The following ANKFN1 variants were observed in gnomAD, a reference collection of about 807,000 sequenced individuals.
The protein encoded by ANKFN1 is ankyrin repeat and fibronectin type-III domain-containing protein 1.
A neutral mutation model predicts 108.7 loss-of-function variants in ANKFN1; 74 were observed. That is an observed-to-expected ratio of 0.68 (90% CI 0.56 to 0.83). The LOEUF is 0.83. Among genes scored for constraint, ANKFN1 ranks in the 40% least tolerant of loss-of-function variants. The pLI, the probability that ANKFN1 is intolerant of heterozygous loss-of-function variation, is 0.00. For synonymous variants in ANKFN1, 547 were observed against 516.2 expected (o/e 1.06, Z -0.81); for missense variants, 1,505 against 1,382.3 (o/e 1.09, Z -1.41).
At chr17:56,340,020 C>T (rs1265104428) in intron 4 of ANKFN1, among the ~76,000 whole-genome samples, 1 of 152,114 alleles carries the variant, frequency 6.6e-6, no homozygotes. Flanking sequence ...GATGGTATCT[C>T]ATTGTGGTTT....
At chr17:56,248,357 T>C (rs574341682) in intron 3 of ANKFN1, among the ~76,000 whole-genome samples, 9 of 152,294 alleles carry the variant, frequency 5.9e-5, no homozygotes, top group African/African-American at 1.9e-4. Flanking sequence ...CTACCAAATA[T>C]TGCTGTTGTC....
intron 15 of ANKFN1, among the ~76,000 whole-genome samples, chr17:56,475,789 C>A (rs758855576): frequency 6.6e-6 from 1 of 152,112 alleles, no homozygotes; most frequent in South Asian, 2.1e-4. Context: ...AGTTGTTTAA[C>A]CCTTGTTTTT....
chr17:56,446,835 G>A (rs547092159), intron 10 of ANKFN1, among the ~76,000 whole-genome samples: 4 of 152,176 alleles, frequency 2.6e-5, no homozygotes, highest in African/African-American at 9.6e-5. Context: ...AACTCAGGAG[G>A]CGGAGGTTGC....
At chr17:56,153,729 A>T in intron 1 of ANKFN1, 199 bp downstream of exon 1, 1 of 687,584 alleles carries the variant, frequency 1.5e-6, no homozygotes, top group Non-Finnish European at 2.5e-6. Context: ...TGGGTCTGTA[A>T]TGTGTGTCTT....
chr17:56,058,904 T>TAGTAGTATAA (rs1904925993), intron 4 of ANKFN1, among the ~76,000 whole-genome samples: 1 of 152,230 alleles, frequency 6.6e-6, no homozygotes, highest in Non-Finnish European at 1.5e-5. Context: ...TATGTGTGCA[T>TAGTAGTATAA]GTGTCTTTAT....
intron 19 of ANKFN1, among the ~76,000 whole-genome samples, chr17:56,492,964 G>A (rs2051089406): frequency 6.6e-6 from 1 of 152,170 alleles, no homozygotes; most frequent in Non-Finnish European, 1.5e-5. Context: ...GCCTGAAATT[G>A]CCTCTGAATC....
intron 3 of ANKFN1, among the ~76,000 whole-genome samples, chr17:56,285,362 G>A (rs2144269889): frequency 6.6e-6 from 1 of 152,230 alleles, no homozygotes; most frequent in East Asian, 1.9e-4. Context: ...CCTAGCCCAA[G>A]GTATCTTCCC....
At position 56,368,193 on chromosome 17, in the gene ANKFN1, T is replaced by A. The variant is rs1342449571; in HGVS notation, c.602-4453T>A. 3 of 1,289,486 alleles carry A rather than the reference T, an allele frequency of 2.3e-6. No homozygotes were observed. In the Admixed American group the frequency reaches 8.1e-5, roughly 35 times the overall value. The allele number at this position is 1,289,486 out of a possible 1,614,324, so 79.9% of individuals were successfully genotyped here. The stretch of plus-strand genomic sequence containing the variant: ...ATGAACCTTTTGATGAAGATCAGCA[T>A]ACACAAATTACAAAAGTCTGAAATT... On this transcript the variant is annotated intron_variant, in intron 6 of 20. Transcript: ENST00000682825.
At chr17:56,392,738 G>T (rs1443202330) in intron 8 of ANKFN1, among the ~76,000 whole-genome samples, 3 of 152,170 alleles carry the variant, frequency 2.0e-5, no homozygotes, top group African/African-American at 7.2e-5. Context: ...CAGGCTCAGG[G>T]TCTATCTGGC....
intron 4 of ANKFN1, chr17:56,111,097 C>T (rs561680091): frequency 2.0e-5 from 3 of 152,460 alleles, no homozygotes; most frequent in East Asian, 3.9e-4. Context: ...TGGCCTCATT[C>T]ATCTGGCCCA....
intron 4 of ANKFN1, among the ~76,000 whole-genome samples, chr17:56,062,559 C>CTTTTTTTTTTTTTT (rs3085080): frequency 3.0e-5 from 4 of 134,512 alleles, no homozygotes; most frequent in African/African-American, 8.9e-5. Flanking sequence ...GTAATCTCTG[C>CTTTTTTTTTTTTTT]TTTTTTTTTT....
Position 56,513,537 on chromosome 17 carries a change from A to G in ANKFN1, c.*2268A>G, listed in dbSNP as rs116575300. On this transcript the variant is annotated 3_prime_UTR_variant, in exon 21 of 21. Transcript: ENST00000682825. ...TTGTGAAAAACTAAGAATCCAAGGT[A>G]TTTCCTGATCCTGATCATTCTGGTG... Among the ~76,000 whole-genome samples the G allele has an allele frequency of 2.4e-3, 359 of 152,308 alleles. 2 individuals are homozygous for G. The highest frequency in any genetic ancestry group is 8.0e-3 in the African/African-American group (332 of 41,574).
intron 3 of ANKFN1, among the ~76,000 whole-genome samples, chr17:56,271,035 G>T (rs554771902): frequency 4.6e-4 from 70 of 151,798 alleles, no homozygotes; most frequent in African/African-American, 1.6e-3. Context: ...TTGGAGACAG[G>T]GTCTTGCTGT....
chr17:56,298,572 T>G (rs916754312), intron 3 of ANKFN1, among the ~76,000 whole-genome samples: 7 of 152,064 alleles, frequency 4.6e-5, no homozygotes, highest in Admixed American at 3.3e-4. Context: ...CCCCAAGTCT[T>G]AAAGCCCCCT....
intron 4 of ANKFN1, among the ~76,000 whole-genome samples, chr17:56,125,476 G>A (rs1906868036): frequency 6.6e-6 from 1 of 152,160 alleles, no homozygotes; most frequent in Non-Finnish European, 1.5e-5. Flanking sequence ...TCTCTTGAAG[G>A]GTGAGTAGGA....
chr17:56,308,850 G>A (rs2044924098), intron 3 of ANKFN1, among the ~76,000 whole-genome samples: 1 of 152,114 alleles, frequency 6.6e-6, no homozygotes, highest in Non-Finnish European at 1.5e-5. Context: ...CCTTTTATCT[G>A]TTAATATGGT....
At chr17:56,381,065 G>A (rs902186085) in intron 8 of ANKFN1, among the ~76,000 whole-genome samples, 3 of 152,120 alleles carry the variant, frequency 2.0e-5, no homozygotes, top group African/African-American at 7.2e-5. Flanking sequence ...CACCTCAAAC[G>A]GCCGGGTACT....
intron 8 of ANKFN1, among the ~76,000 whole-genome samples, chr17:56,405,157 G>A (rs112972422): frequency 1.9e-3 from 296 of 152,294 alleles, no homozygotes; most frequent in African/African-American, 6.7e-3. Flanking sequence ...GCCGGGAGGT[G>A]GCCCTTTCCA....
At chr17:56,106,754 A>G (rs8078180) in intron 4 of ANKFN1, among the ~76,000 whole-genome samples, 24,207 of 152,064 alleles carry the variant, frequency 0.16, 2,105 homozygotes, top group East Asian at 0.28. Flanking sequence ...AGTCCTACCA[A>G]TTTCTCCCTC....
Sources: gnomAD v4.1 joint callset for allele counts (sites outside exome capture counted in the v4.1 genomes callset) on GRCh38, gnomAD v4.1.1 for gene constraint, MANE v1.5 for transcripts, NCBI Gene and HGNC (gene_info 2026-07-23, HGNC 2026-07-21) for gene names.